The following GRM5 variants were observed in gnomAD, a reference collection of about 807,000 sequenced individuals.
The protein encoded by GRM5 is metabotropic glutamate receptor 5.
GRM5 carries 19 observed loss-of-function variants against 83.1 expected under a neutral mutation model. The ratio of observed to expected loss-of-function variants is 0.23; its 90% CI spans 0.16 to 0.34. The LOEUF (loss-of-function observed/expected upper bound fraction) is 0.34, where lower values mean the gene tolerates loss of function less well. Ranked by LOEUF, GRM5 falls within the 10% of genes least tolerant of loss-of-function variation. GRM5 has a pLI of 1.00. For synonymous variants in GRM5, 675 were observed against 633.6 expected, an observed-to-expected ratio of 1.07 and a Z score of -0.98; for missense variants, 1,160 against 1,588.3, an observed-to-expected ratio of 0.73 and a Z score of 4.58.
intron 9 of GRM5, among the ~76,000 whole-genome samples, chr11:88,524,713 A>G (rs1192486270): frequency 6.6e-6 from 1 of 152,224 alleles, no homozygotes; most frequent in African/African-American, 2.4e-5. Flanking sequence ...AGCAAAGGAG[A>G]TGCAAAGCTA....
At chr11:88,719,611 G>GTCTT (rs1254502358) in intron 3 of GRM5, among the ~76,000 whole-genome samples, 1 of 151,994 alleles carries the variant, frequency 6.6e-6, no homozygotes, top group Non-Finnish European at 1.5e-5. Flanking sequence ...TGGTATTTCT[G>GTCTT]TCTTTAGGTC....
At chr11:88,841,252 T>G (rs2135530715) in intron 3 of GRM5, among the ~76,000 whole-genome samples, 1 of 152,326 alleles carries the variant, frequency 6.6e-6, no homozygotes, top group East Asian at 1.9e-4. Flanking sequence ...GTGGTTTTCT[T>G]AATGGTGTCT....
intron 2 of GRM5, among the ~76,000 whole-genome samples, chr11:89,010,742 T>C (rs1244249305): frequency 6.6e-6 from 1 of 151,206 alleles, no homozygotes; most frequent in Non-Finnish European, 1.5e-5. Context: ...TGGAGAACCA[T>C]ACAACTGGAT....
At chr11:88,840,363 C>G (rs1328999655) in intron 3 of GRM5, among the ~76,000 whole-genome samples, 1 of 152,156 alleles carries the variant, frequency 6.6e-6, no homozygotes, top group African/African-American at 2.4e-5. Flanking sequence ...TCATCTGGCA[C>G]TGGTCCAAAA....
At chr11:88,852,397 C>T (rs868324814) in intron 2 of GRM5, among the ~76,000 whole-genome samples, 10 of 151,954 alleles carry the variant, frequency 6.6e-5, no homozygotes, top group African/African-American at 2.4e-4. Flanking sequence ...TGTAAACTAT[C>T]TGGTAGGTCA....
chr11:88,915,680 C>A (rs539028181), intron 2 of GRM5, among the ~76,000 whole-genome samples: 131 of 152,228 alleles, frequency 8.6e-4, no homozygotes, highest in African/African-American at 2.9e-3. Flanking sequence ...AGTTATTTGA[C>A]AATCCATTTC....
At chr11:88,898,764 C>T (rs1307295662) in intron 2 of GRM5, among the ~76,000 whole-genome samples, 2 of 151,944 alleles carry the variant, frequency 1.3e-5, no homozygotes, top group Non-Finnish European at 2.9e-5. Context: ...CCATTCGTTA[C>T]ATTATATTTG....
rs1945027301 is a variant in GRM5 at position 88,885,450 on chromosome 11, G to GGTTTTTT, written c.662-35296_662-35295insAAAAAAC. The stretch of plus-strand genomic sequence containing the variant: ...TTCTGAATTCTATAGTAGGTACCAT[G>GGTTTTTT]TTTTTTTTTTTTTTTTTTTTTTTTT... On this transcript the variant is annotated intron_variant, in intron 2 of 9. Transcript: ENST00000305447. Among the ~76,000 whole-genome samples the GGTTTTTT allele has an allele frequency of 1.0e-3, 64 of 62,664 alleles. 22 individuals carry two copies. The highest frequency in any genetic ancestry group is 3.4e-3 in the African/African-American group (57 of 16,892). 41.1% of individuals were successfully genotyped at this position (62,664 alleles called of 152,430 possible). A position where few individuals can be genotyped will look rare whatever the true frequency, so the allele number is the denominator to read the frequency against.
At chr11:88,553,669 A>C (rs141718543) in intron 8 of GRM5, among the ~76,000 whole-genome samples, 1 of 152,288 alleles carries the variant, frequency 6.6e-6, no homozygotes, top group East Asian at 1.9e-4. Flanking sequence ...GAATTGGTAG[A>C]ACTTGCTCTC....
chr11:88,699,574 T>A (rs1940980431), intron 3 of GRM5, among the ~76,000 whole-genome samples: 1 of 152,128 alleles, frequency 6.6e-6, no homozygotes, highest in South Asian at 2.1e-4. Context: ...GCACTCCCAT[T>A]CCATGGGGAC....
chr11:88,582,523 T>A (rs1943232540), intron 7 of GRM5, among the ~76,000 whole-genome samples: 1 of 152,242 alleles, frequency 6.6e-6, no homozygotes, highest in Admixed American at 6.5e-5. Context: ...GATTACTATC[T>A]AACCTAGAAA....
intron 2 of GRM5, among the ~76,000 whole-genome samples, chr11:88,867,836 C>T (rs1243408386): frequency 1.3e-5 from 2 of 151,758 alleles, no homozygotes; most frequent in African/African-American, 4.8e-5. Flanking sequence ...TAAGGAAATA[C>T]ATTTCTGTTG....
chr11:88,739,009 TC>T (rs886326120), intron 3 of GRM5, among the ~76,000 whole-genome samples: 1 of 152,104 alleles, frequency 6.6e-6, no homozygotes, highest in Non-Finnish European at 1.5e-5. Flanking sequence ...TTTTTCACTT[TC>T]CATTAGAATA....
chr11:88,565,508 A>T (rs986251453), intron 8 of GRM5, among the ~76,000 whole-genome samples: 1 of 152,234 alleles, frequency 6.6e-6, no homozygotes, highest in Non-Finnish European at 1.5e-5. Context: ...CTTGTTTTAT[A>T]TACCAGGCTT....
chr11:88,794,023 A>T (rs1943228829), intron 3 of GRM5, among the ~76,000 whole-genome samples: 1 of 152,080 alleles, frequency 6.6e-6, no homozygotes, highest in Admixed American at 6.5e-5. Flanking sequence ...GGATCTCTTT[A>T]TGTTTCTCAG....
At chr11:88,890,850 G>A (rs1287548375) in intron 2 of GRM5, among the ~76,000 whole-genome samples, 1 of 152,104 alleles carries the variant, frequency 6.6e-6, no homozygotes, top group Non-Finnish European at 1.5e-5. Flanking sequence ...AGAGTTAACA[G>A]TGCAGCATGT....
intron 3 of GRM5, among the ~76,000 whole-genome samples, chr11:88,742,513 T>A (rs1942049997): frequency 6.6e-6 from 1 of 152,084 alleles, no homozygotes; most frequent in Non-Finnish European, 1.5e-5. Flanking sequence ...TAATACCACC[T>A]GCTTTAATTT....
intron 3 of GRM5, among the ~76,000 whole-genome samples, chr11:88,744,552 A>C (rs2135419903): frequency 6.6e-6 from 1 of 152,236 alleles, no homozygotes; most frequent in East Asian, 1.9e-4. Flanking sequence ...TATGCCTTTC[A>C]CACACCCCAC....
At chr11:88,631,109 C>G (rs1177334422) in intron 4 of GRM5, among the ~76,000 whole-genome samples, 1 of 152,126 alleles carries the variant, frequency 6.6e-6, no homozygotes, top group Non-Finnish European at 1.5e-5. Context: ...TGGCAAAAAC[C>G]TTCCCACATA....
Sources: allele counts gnomAD v4.1 joint callset (sites outside exome capture counted in the v4.1 genomes callset), GRCh38; gene constraint gnomAD v4.1.1; transcripts MANE v1.5; gene names NCBI Gene and HGNC (gene_info 2026-07-23, HGNC 2026-07-21).